The following SPAG5 variants were observed in gnomAD, a reference collection of about 807,000 sequenced individuals.
SPAG5 encodes sperm associated antigen 5.
SPAG5 carries 99 observed loss-of-function variants against 145.4 expected under a neutral mutation model. The observed-to-expected ratio is 0.68, with a 90% CI of 0.58 to 0.80. The LOEUF is 0.80. Among genes scored for constraint, SPAG5 ranks in the 30% least tolerant of loss-of-function variants. The pLI is 0.00. For synonymous variants in SPAG5, 477 were observed against 525.4 expected (o/e 0.91, Z 1.26); for missense variants, 1,192 against 1,416.0 (o/e 0.84, Z 2.54).
rs759389418 is a variant in SPAG5 at position 28,592,511 on chromosome 17, C to A, written c.733G>T (p.Val245Phe). 6.2e-7 allele frequency: 1 copy of A among 1,613,996 alleles called. No individual in the cohort carries two copies. The highest frequency in any genetic ancestry group is 1.3e-5 in the African/African-American group (1 of 74,934). The change falls in exon 3 of 24, where the codon GTT becomes TTT. Residue 245 changes from valine (V) to phenylalanine (F), a missense_variant. Physicochemically the swap from Val to Phe is conservative, Grantham distance 50. Transcript: ENST00000321765. ...GCAGTTGAAGGGGAAAGCCAGAGAA[C>A]AGAGGAAGGCAAGAAGGCGTTACTT... ...SESNAFLPSS[V>F]LWLSPSTALA...
chr17:28,585,770 G>C, intron 7 of SPAG5, 94 bp downstream of exon 7: 1 of 1,607,112 alleles, frequency 6.2e-7, no homozygotes, highest in Non-Finnish European at 8.5e-7. Context: ...GCAGTTCTTA[G>C]GCCACCCATC....
rs1052616044 is a variant in SPAG5 at position 28,584,696 on chromosome 17, C to A, written c.2117G>T (p.Gly706Val). The change falls in exon 11 of 24, where the codon GGC (glycine) becomes GTC (valine). Residue 706 changes from glycine to valine, a missense_variant. By Grantham distance (109) the Gly-to-Val change is moderately radical (BLOSUM62 -3). Coordinates refer to ENST00000321765, the MANE Select transcript of SPAG5 (RefSeq NM_006461.4). ...QVSAQLEECK[G>V]QTEQLELENS... Reference sequence around the variant, plus strand: ...TTCCAACTCCAGTTGTTCTGTTTGGCCTTTGCACTCCTCTAACTGGGCAGA... The same window carrying A: ...TTCCAACTCCAGTTGTTCTGTTTGGACTTTGCACTCCTCTAACTGGGCAGA... 2 of 1,614,152 alleles carry A rather than the reference C, an allele frequency of 1.2e-6. No homozygotes were observed. The highest frequency in any genetic ancestry group is 1.7e-6 in the Non-Finnish European group (2 of 1,180,018).
chr17:28,592,931 T>C lies in SPAG5; in HGVS notation c.313A>G (p.Ile105Val), dbSNP rs761413655. The change falls in exon 3 of 24, where the codon ATT becomes GTT. Residue 105 changes from isoleucine (I) to valine (V), a missense_variant. Around this residue, in one of 5 missense-constraint regions of SPAG5, gnomAD observed 329 missense variants for 354.0 expected, o/e 0.93. Transcript: ENST00000321765. ...TTAGGAGTAGAGCTAATTTGGGGAATTGGATCTAGAGGCTGCTCATCTGAT... is the reference window on the plus strand; with the variant it reads ...TTAGGAGTAGAGCTAATTTGGGGAACTGGATCTAGAGGCTGCTCATCTGAT... ...HESDEQPLDPIPQISSTPKTS... is the reference protein window; with the variant it reads ...HESDEQPLDPVPQISSTPKTS... The C allele has an allele frequency of 1.2e-5, 19 of 1,614,072 alleles. No individual in the cohort carries two copies. Among genetic ancestry groups the C allele is most frequent in the Middle Eastern group, 1.6e-4 (1 of 6,084 alleles).
At chr17:28,580,182 TAACTCCC>T in intron 15 of SPAG5, 62 bp from the exon 16 acceptor site, 1 of 1,131,640 alleles carries the variant, frequency 8.8e-7, no homozygotes, top group South Asian at 1.5e-5. Context: ...GGCTTCCAGG[TAACTCCC>T]AGCCATCTCC....
At chr17:28,584,982 CT>C in intron 10 of SPAG5, 119 bp downstream of exon 10, 1 of 963,502 alleles carries the variant, frequency 1.0e-6, no homozygotes, top group South Asian at 1.4e-5. Context: ...GCTAAGAGAC[CT>C]TACTGGCTGG....
intron 2 of SPAG5, among the ~76,000 whole-genome samples, chr17:28,596,933 C>T (rs2070669430): frequency 6.7e-6 from 1 of 149,112 alleles, no homozygotes; most frequent in South Asian, 2.1e-4. Context: ...TGGAGAAACC[C>T]GTCTTTACTG....
rs183386158 is a variant in SPAG5 at position 28,598,007 on chromosome 17, T to C, written c.177+503A>G. Among the ~76,000 whole-genome samples the C allele has an allele frequency of 1.1e-4, 16 of 152,312 alleles. No individual in the cohort carries two copies. In the East Asian group the frequency reaches 3.1e-3, roughly 29 times the overall value. ...AGTTTTGACAGCAACTGAAATGCAG[T>C]TTCTACATGGCTACGTCTCTCAAAA... On this transcript the variant is annotated intron_variant, in intron 2 of 23. Transcript: ENST00000321765.
At chr17:28,578,145 G>A (rs2070519578) in intron 22 of SPAG5, 55 bp from the exon 23 acceptor site, 1 of 1,608,994 alleles carries the variant, frequency 6.2e-7, no homozygotes. Flanking sequence ...AACTTGGTAG[G>A]ACAGGGGAAA....
intron 15 of SPAG5, chr17:28,580,544 T>C (rs2070543478): frequency 6.6e-6 from 1 of 152,644 alleles, no homozygotes; most frequent in South Asian, 2.1e-4. Context: ...AATGGCAGCC[T>C]TACTTTCAAA....
Position 28,579,456 on chromosome 17 carries a change from C to A in SPAG5, c.2914G>T (p.Glu972Ter). The A allele has an allele frequency of 6.2e-7, 1 of 1,614,106 alleles. No individual in the cohort carries two copies. Among genetic ancestry groups the A allele is most frequent in the Non-Finnish European group, 8.5e-7 (1 of 1,179,978 alleles). The change falls in exon 18 of 24, where the codon GAA becomes TAA. Residue 972 changes from glutamate (E) to a stop codon, truncating the protein, a stop_gained. Transcript: ENST00000321765. LOFTEE classifies it high-confidence loss of function. ...ETPGMEESLA[E>*]MSIMTTELQS... ...AGCTCAGTAGTCATAATACTCATTT[C>A]TGCCAGGCTCTCCTCCATGCCTGGG... is the stretch of plus-strand genomic sequence containing the variant.
chr17:28,581,647 C>G (rs2070549567), intron 15 of SPAG5, among the ~76,000 whole-genome samples: 1 of 151,790 alleles, frequency 6.6e-6, no homozygotes, highest in East Asian at 1.9e-4. Context: ...TCCTCCTAGG[C>G]TAGGTCCTCT....
intron 2 of SPAG5, among the ~76,000 whole-genome samples, chr17:28,598,276 GGGA>G (rs2070682539): frequency 6.6e-6 from 1 of 152,174 alleles, no homozygotes; most frequent in Admixed American, 6.5e-5. Flanking sequence ...AAAGGTCGAA[GGGA>G]GGAGGAGGAG....
chr17:28,584,998 C>T, intron 10 of SPAG5, 104 bp downstream of exon 10: 1 of 1,170,390 alleles, frequency 8.5e-7, no homozygotes, highest in Non-Finnish European at 1.3e-6. Flanking sequence ...GGCTGGCCTC[C>T]AAACCCACAG....
intron 15 of SPAG5, chr17:28,582,795 T>C (rs2070557320): frequency 6.6e-6 from 1 of 152,254 alleles, no homozygotes; most frequent in African/African-American, 2.4e-5. Flanking sequence ...AAGAAGGCTA[T>C]ATTTCTGCTT....
Position 28,578,065 on chromosome 17 carries a change from C to T in SPAG5, c.3455G>A (p.Arg1152Gln), listed in dbSNP as rs374895799. The change falls in exon 23 of 24, where the codon CGG becomes CAG. Residue 1152 changes from arginine to glutamine, a missense_variant. This residue lies in a region of SPAG5 where 709 missense variants were observed against 840.7 expected (regional missense o/e 0.84). Transcript: ENST00000321765. ...SHRNILEENL[R>Q]RSDKELEKLD... Reference sequence around the variant, plus strand: ...TTTTTCTAACTCCTTGTCAGAGCGCCGAAGGTTCTCCTCTAGGATATTTCT... The same window carrying T: ...TTTTTCTAACTCCTTGTCAGAGCGCTGAAGGTTCTCCTCTAGGATATTTCT... 39 of 1,613,940 alleles carry T rather than the reference C, an allele frequency of 2.4e-5. No homozygotes were observed. Among genetic ancestry groups the T allele is most frequent in the Admixed American group, 3.3e-5 (2 of 60,002 alleles).
At position 28,577,655 on chromosome 17, in the gene SPAG5, A is replaced by G. The variant is rs377063171; in HGVS notation, c.*44T>C. On this transcript the variant is annotated 3_prime_UTR_variant, in exon 24 of 24. Transcript: ENST00000321765. ...GGTCTTGGTATTGGGGTAAGGGGGT[A>G]TTGCAGGTAAAAAGAGGTGAAGCAG... is the stretch of plus-strand genomic sequence containing the variant. 174 of 1,356,672 alleles carry G rather than the reference A, an allele frequency of 1.3e-4. No individual in the cohort carries two copies. The African/African-American group carries it at 2.0e-3, about 16-fold the overall frequency. The allele number at this position is 1,356,672 out of a possible 1,614,324, so 84.0% of individuals were successfully genotyped here. A position where few individuals can be genotyped will look rare whatever the true frequency, so the allele number is the denominator to read the frequency against.
In SPAG5 at chr17:28,586,190, G is replaced by GA. The variant is rs762713622; in HGVS notation, c.1513-9dup. The stretch of plus-strand genomic sequence containing the variant: ...GATAAGCACCCATGATTGCTGTAGA[G>GA]AAAAAAATGGGTAGGTGAGATCAAA... On this transcript the variant is annotated splice_polypyrimidine_tract_variant and intron_variant, in intron 5 of 23. Transcript: ENST00000321765. The GA allele has an allele frequency of 1.2e-6, 2 of 1,606,570 alleles. No individual in the cohort carries two copies. The highest frequency in any genetic ancestry group is 1.7e-5 in the Admixed American group (1 of 59,372).
chr17:28,583,169 G>A (rs1597594781), intron 15 of SPAG5, among the ~76,000 whole-genome samples: 1 of 152,252 alleles, frequency 6.6e-6, no homozygotes, highest in Middle Eastern at 3.4e-3. Context: ...TTGTAGAGAT[G>A]GTTTTCACCA....
At position 28,592,118 on chromosome 17, in the gene SPAG5, T is replaced by G; in HGVS notation, c.1126A>C (p.Thr376Pro). 6.2e-7 allele frequency: 1 copy of G among 1,614,112 alleles called. No individual in the cohort carries two copies. The change falls in exon 3 of 24, where the codon ACT (threonine) becomes CCT (proline). Residue 376 changes from threonine (T) to proline (P), a missense_variant. This residue lies in a region of SPAG5 where 125 missense variants were observed against 143.8 expected (regional missense o/e 0.87). Coordinates refer to ENST00000321765, the MANE Select transcript of SPAG5 (RefSeq NM_006461.4). ...PSMLRDAAIG[T>P]TPFSTCSVGT... ...ACCGAGCAAGTAGAGAAAGGGGTAG[T>G]GCCAATTGCAGCATCCCGAAGCATC...
Sources: allele counts gnomAD v4.1 joint callset (sites outside exome capture counted in the v4.1 genomes callset), GRCh38; gene constraint gnomAD v4.1.1; regional missense constraint gnomAD v4.1.1; transcripts MANE v1.5; gene names NCBI Gene and HGNC (gene_info 2026-07-23, HGNC 2026-07-21).